Variants in LRRK1 observed in about 807,000 individuals in gnomAD.
LRRK1 encodes leucine-rich repeat serine/threonine-protein kinase 1.
LRRK1 carries 113 observed loss-of-function variants against 209.1 expected under a neutral mutation model. The observed-to-expected ratio is 0.54, with a 90% CI of 0.46 to 0.63. The LOEUF (loss-of-function observed/expected upper bound fraction) is 0.63. Among genes scored for constraint, LRRK1 ranks in the 30% least tolerant of loss-of-function variants. The pLI is 0.00. For synonymous variants in LRRK1, 1,144 were observed against 1,099.7 expected (o/e 1.04, Z -0.80); for missense variants, 2,284 against 2,632.2 (o/e 0.87, Z 2.89).
chr15:101,039,053 C>T (rs1596307204), intron 20 of LRRK1, among the ~76,000 whole-genome samples: 2 of 152,192 alleles, frequency 1.3e-5, no homozygotes, highest in Admixed American at 1.3e-4. Context: ...CAGCATATGA[C>T]ACCCTCCAAT....
Position 101,061,198 on chromosome 15 carries a change from GGGCC to G in LRRK1, c.4708_4711del (p.Gly1570SerfsTer12). The G allele has an allele frequency of 6.2e-7, 1 of 1,614,034 alleles. No individual in the cohort carries two copies. The stretch of plus-strand genomic sequence containing the variant: ...ACTACACGGTGGTGAACACAGAGAA[GGGCC>G]TCATGGAGGTGCAGAGGATGTGCTG... On this transcript the variant is annotated frameshift_variant, in exon 30 of 34. Coordinates refer to ENST00000388948, the MANE Select transcript of LRRK1 (RefSeq NM_024652.6). LOFTEE classifies it high-confidence loss of function.
chr15:100,926,395 A>C (rs980637627), intron 2 of LRRK1, among the ~76,000 whole-genome samples: 9 of 151,900 alleles, frequency 5.9e-5, no homozygotes, highest in Non-Finnish European at 1.0e-4. Flanking sequence ...GGGGACAGGG[A>C]CCTTGGGTCT....
rs201190527 is a variant in LRRK1 at position 101,058,031 on chromosome 15, G to A, written c.4569G>A (p.Pro1523=). Residue 1523 remains proline, a synonymous_variant, in exon 29 of 34, where the codon CCG becomes CCA. Coordinates refer to ENST00000388948, the MANE Select transcript of LRRK1 (RefSeq NM_024652.6). ...ALSVVSQMKD[P]TFATFMYELC... ...CGGTGGTGAGCCAGATGAAGGACCC[G>A]ACTTTTGCCACCTTCATGTATGAAC... is the stretch of plus-strand genomic sequence containing the variant. 1.4e-5 allele frequency: 22 copies of A among 1,614,032 alleles called. No homozygotes were observed. Among genetic ancestry groups the A allele is most frequent in the African/African-American group, 1.2e-4 (9 of 74,912 alleles).
At position 101,068,574 on chromosome 15, in the gene LRRK1, G is replaced by A. The variant is rs2036660813; in HGVS notation, c.5871-97G>A. The A allele has an allele frequency of 2.3e-6, 3 of 1,332,032 alleles. No homozygotes were observed. The Admixed American group carries it at 7.3e-5, about 32-fold the overall frequency. The allele number at this position is 1,332,032 out of a possible 1,614,324, so 82.5% of individuals were successfully genotyped here. ...AAGCAGACACACTCCCCTGCCCTTA[G>A]CCAGCTCCGCCTTCCTCAGAAGGCA... On this transcript the variant is annotated intron_variant, in intron 33 of 33. Coordinates refer to ENST00000388948, the MANE Select transcript of LRRK1 (RefSeq NM_024652.6).
In LRRK1 at chr15:101,048,516, C is replaced by T; in HGVS notation, c.3158C>T (p.Thr1053Ile). ...CAGCTTTTTGAAAACAAGAAGAATA[C>T]TAAAAGCAGGAACAGGAAAGTCACC... is the stretch of plus-strand genomic sequence containing the variant. The part of the protein sequence containing the change: ...DLQLFENKKN[T>I]KSRNRKVTIY... The change falls in exon 22 of 34, where the codon ACT (threonine) becomes ATT (isoleucine). Residue 1053 changes from threonine to isoleucine, a missense_variant. Physicochemically the swap from Thr to Ile is moderately conservative, Grantham distance 89. Coordinates refer to ENST00000388948, the MANE Select transcript of LRRK1 (RefSeq NM_024652.6). 8 of 1,601,040 alleles carry T rather than the reference C, an allele frequency of 5.0e-6. No individual in the cohort carries two copies. Among genetic ancestry groups the T allele is most frequent in the Non-Finnish European group, 6.8e-6 (8 of 1,175,956 alleles).
chr15:100,934,245 G>C (rs184909437), intron 2 of LRRK1, among the ~76,000 whole-genome samples: 59 of 152,254 alleles, frequency 3.9e-4, no homozygotes, highest in Admixed American at 9.2e-4. Flanking sequence ...AGGATACTAA[G>C]TCAGTGAAAA....
At chr15:101,060,193 G>C (rs2036077111) in intron 29 of LRRK1, among the ~76,000 whole-genome samples, 1 of 152,208 alleles carries the variant, frequency 6.6e-6, no homozygotes, top group South Asian at 2.1e-4. Flanking sequence ...GACTTGACTT[G>C]AGATCTGTCT....
rs554591007 is a variant in LRRK1, at chr15:101,074,008, G to T, written c.*5160G>T. ...ATCCTGCAAGATCTAAATAATTCTTGTCGTAAAATGGGCAAATGGTCTGAG... is the reference window on the plus strand; with the variant it reads ...ATCCTGCAAGATCTAAATAATTCTTTTCGTAAAATGGGCAAATGGTCTGAG... On this transcript the variant is annotated 3_prime_UTR_variant, in exon 34 of 34. Transcript: ENST00000388948. 3 of 152,092 alleles carry T rather than the reference G, an allele frequency of 2.0e-5. No individual in the cohort carries two copies. The highest frequency in any genetic ancestry group is 6.5e-5 in the Admixed American group (1 of 15,274). The allele number at this position is 152,092 out of a possible 1,614,324, so 9.4% of individuals were successfully genotyped here. A position where few individuals can be genotyped will look rare whatever the true frequency, so the allele number is the denominator to read the frequency against.
intron 2 of LRRK1, among the ~76,000 whole-genome samples, chr15:100,947,931 A>T (rs1417927589): frequency 1.3e-5 from 2 of 152,236 alleles, no homozygotes; most frequent in Admixed American, 1.3e-4. Context: ...CTGCACAGTG[A>T]TGTATTCAAA....
intron 2 of LRRK1, among the ~76,000 whole-genome samples, chr15:100,941,428 CTGTGTGTG>C (rs140546147): frequency 1.9e-5 from 1 of 51,300 alleles, no homozygotes; most frequent in African/African-American, 1.3e-4. Context: ...GTGTGTGTGT[CTGTGTGTG>C]TGTGTGTGTC....
chr15:100,941,404 G>GTGTCTCTGTGTGTGTGTGTGTC (rs1567190966), intron 2 of LRRK1, among the ~76,000 whole-genome samples: 1 of 118,676 alleles, frequency 8.4e-6, no homozygotes, highest in Non-Finnish European at 1.6e-5. Flanking sequence ...GTGTGTCTGT[G>GTGTCTCTGTGTGTGTGTGTGTC]TGTGTCTCTG....
At position 101,027,134 on chromosome 15, in the gene LRRK1, T is replaced by G. The variant is rs2034066884; in HGVS notation, c.2406-127T>G. On this transcript the variant is annotated intron_variant, in intron 17 of 33. Transcript: ENST00000388948. The surrounding 1 kb of genome is among the most constrained non-coding windows in gnomAD (Gnocchi z 5.1). ...CAAAGCAAGGCCTCAATAAACTTCT[T>G]GTGTTGTCTTTCACGAGTTCTCCAG... 7.5e-6 allele frequency: 9 copies of G among 1,196,328 alleles called. No individual in the cohort carries two copies. Among genetic ancestry groups the G allele is most frequent in the Admixed American group, 4.6e-5 (2 of 43,048 alleles). 74.1% of individuals were successfully genotyped at this position (1,196,328 alleles called of 1,614,324 possible).
chr15:101,071,208 G>A lies in LRRK1; in HGVS notation c.*2360G>A, dbSNP rs1336679560. On this transcript the variant is annotated 3_prime_UTR_variant, in exon 34 of 34. Transcript: ENST00000388948. Reference sequence around the variant, plus strand: ...GAGCTCATGCTTCAGTGAGGGGGTGGGGGGCACCCTGAGGACCCTGTCAAC... The same window carrying A: ...GAGCTCATGCTTCAGTGAGGGGGTGAGGGGCACCCTGAGGACCCTGTCAAC... 1 of 152,358 alleles carries A rather than the reference G, an allele frequency of 6.6e-6. No homozygotes were observed. The highest frequency in any genetic ancestry group is 1.5e-5 in the Non-Finnish European group (1 of 68,222). The allele number at this position is 152,358 out of a possible 1,614,324, so 9.4% of individuals were successfully genotyped here. A position where few individuals can be genotyped will look rare whatever the true frequency, so the allele number is the denominator to read the frequency against.
Position 101,012,093 on chromosome 15 carries a change from A to G in LRRK1, c.1367A>G (p.Asp456Gly), listed in dbSNP as rs2033280662. Reference protein sequence around the residue: ...VFWKNHLKDVDFSENALKEVP... With the variant: ...VFWKNHLKDVGFSENALKEVP... ...TGGAAAAATCACCTGAAGGATGTGGATTTCTCAGAAAACGCACTCAAAGAA... is the reference window on the plus strand; with the variant it reads ...TGGAAAAATCACCTGAAGGATGTGGGTTTCTCAGAAAACGCACTCAAAGAA... The change falls in exon 10 of 34, where the codon GAT becomes GGT. Residue 456 changes from aspartate (D) to glycine (G), a missense_variant. Physicochemically the swap from Asp to Gly is moderately conservative, Grantham distance 94. This residue lies in a region of LRRK1 where 494 missense variants were observed against 522.1 expected (regional missense o/e 0.95). Transcript: ENST00000388948. The G allele has an allele frequency of 6.2e-7, 1 of 1,613,436 alleles. No homozygotes were observed. Among genetic ancestry groups the G allele is most frequent in the Non-Finnish European group, 8.5e-7 (1 of 1,179,730 alleles).
chr15:101,065,823 C>A lies in LRRK1; in HGVS notation c.5386C>A (p.Pro1796Thr). The change falls in exon 32 of 34, where the codon CCC becomes ACC. Residue 1796 changes from proline (P) to threonine (T), a missense_variant. Pro to Thr is a conservative substitution (Grantham distance 38). This residue lies in a region of LRRK1 where 643 missense variants were observed against 695.9 expected (regional missense o/e 0.92). Coordinates refer to ENST00000388948, the MANE Select transcript of LRRK1 (RefSeq NM_024652.6). Reference protein sequence around the residue: ...MFPVRPLDTEPPAASHTANPK... With the variant: ...MFPVRPLDTETPAASHTANPK... ...TCCCGTGCGGCCCTTGGACACGGAACCCCCGGCAGCCAGCCACACGGCCAA... is the reference window on the plus strand; with the variant it reads ...TCCCGTGCGGCCCTTGGACACGGAAACCCCGGCAGCCAGCCACACGGCCAA... 1 of 1,614,012 alleles carries A rather than the reference C, an allele frequency of 6.2e-7. No homozygotes were observed. Among genetic ancestry groups the A allele is most frequent in the Non-Finnish European group, 8.5e-7 (1 of 1,180,010 alleles).
intron 12 of LRRK1, 114 bp from the exon 13 acceptor site, chr15:101,020,939 G>A (rs1219872296): frequency 8.6e-7 from 1 of 1,158,308 alleles, no homozygotes; most frequent in Non-Finnish European, 1.3e-6. Flanking sequence ...TGTTCTGATA[G>A]GCTTGCCAAA....
intron 30 of LRRK1, among the ~76,000 whole-genome samples, chr15:101,061,877 G>A (rs2036203513): frequency 6.6e-6 from 1 of 152,226 alleles, no homozygotes; most frequent in South Asian, 2.1e-4. Flanking sequence ...GGGCATGGTG[G>A]TGCGTGAGTG....
rs1056302195 is a variant in LRRK1, at chr15:101,075,607, T to A, written c.*6759T>A. 1 of 149,146 alleles carries A rather than the reference T, an allele frequency of 6.7e-6. No homozygotes were observed. Among genetic ancestry groups the A allele is most frequent in the African/African-American group, 2.6e-5 (1 of 38,892 alleles). 9.2% of individuals were successfully genotyped at this position (149,146 alleles called of 1,614,324 possible). A position where few individuals can be genotyped will look rare whatever the true frequency, so the allele number is the denominator to read the frequency against. ...CTACAGCATGGCCTTTTAAAGCCTA[T>A]AAACTCTCCTTACAATTCCCCCATT... On this transcript the variant is annotated 3_prime_UTR_variant, in exon 34 of 34. Transcript: ENST00000388948.
chr15:100,972,363 A>AGAGAGAGAGAGAGTGTGTGTGTGT (rs1176201849), intron 2 of LRRK1, among the ~76,000 whole-genome samples: 3 of 98,474 alleles, frequency 3.0e-5, no homozygotes, highest in Non-Finnish European at 5.7e-5. Flanking sequence ...AGAGAGAGAG[A>AGAGAGAGAGAGAGTGTGTGTGTGT]GTGTGTGTGT....
Sources: gnomAD v4.1 joint callset for allele counts (sites outside exome capture counted in the v4.1 genomes callset) on GRCh38, gnomAD v4.1.1 for gene constraint, gnomAD v4.1.1 regional missense constraint, Gnocchi (gnomAD v3.1) non-coding constraint, MANE v1.5 for transcripts, NCBI Gene and HGNC (gene_info 2026-07-23, HGNC 2026-07-21) for gene names.